The following PRRC2C variants were observed in gnomAD, a reference collection of about 807,000 sequenced individuals.
The protein encoded by PRRC2C is protein PRRC2C.
PRRC2C carries 72 observed loss-of-function variants against 317.2 expected under a neutral mutation model. That is an observed-to-expected ratio of 0.23 (90% CI 0.19 to 0.28). The LOEUF (loss-of-function observed/expected upper bound fraction) is 0.28. Among genes scored for constraint, PRRC2C ranks in the 10% least tolerant of loss-of-function variants. The pLI, the probability that PRRC2C is intolerant of heterozygous loss-of-function variation, is 1.00. For synonymous variants in PRRC2C, 1,296 were observed against 1,205.9 expected, an observed-to-expected ratio of 1.07 and a Z score of -1.55; for missense variants, 3,074 against 3,459.7, an observed-to-expected ratio of 0.89 and a Z score of 2.80.
At chr1:171,560,605 G>T (rs143279952) in intron 19 of PRRC2C, among the ~76,000 whole-genome samples, 109 of 152,238 alleles carry the variant, frequency 7.2e-4, no homozygotes, top group African/African-American at 2.6e-3. Context: ...GATTCCACCA[G>T]CAAAAAAAGT....
intron 17 of PRRC2C, among the ~76,000 whole-genome samples, chr1:171,548,314 TCA>T (rs1213086567): frequency 6.6e-6 from 1 of 152,186 alleles, no homozygotes; most frequent in Non-Finnish European, 1.5e-5. Context: ...ATTTCATCTC[TCA>T]GAGTATGTTA....
chr1:171,520,026 C>T (rs1439176987), intron 6 of PRRC2C, among the ~76,000 whole-genome samples: 1 of 152,026 alleles, frequency 6.6e-6, no homozygotes, highest in African/African-American at 2.4e-5. Context: ...GCAGTGGCAC[C>T]ATCTCGGCTC....
chr1:171,592,018 C>T lies in PRRC2C; in HGVS notation c.*171C>T. ...TTTACACTGACACACAGCTGCTGTA[C>T]CAGTGAAAACGAGGCTTTGCAAGCT... On this transcript the variant is annotated 3_prime_UTR_variant, in exon 35 of 35. Transcript: ENST00000647382. 9 of 815,228 alleles carry T rather than the reference C, an allele frequency of 1.1e-5. No homozygotes were observed. In the South Asian group the frequency reaches 1.8e-4, roughly 16 times the overall value. 50.5% of individuals were successfully genotyped at this position (815,228 alleles called of 1,614,324 possible). A position where few individuals can be genotyped will look rare whatever the true frequency, so the allele number is the denominator to read the frequency against.
intron 19 of PRRC2C, among the ~76,000 whole-genome samples, chr1:171,560,413 T>A (rs1315532848): frequency 9.3e-6 from 1 of 107,070 alleles, no homozygotes; most frequent in Non-Finnish European, 2.1e-5. Flanking sequence ...GACTCCAGTT[T>A]TGAAAGAAGT....
chr1:171,571,899 C>G (rs536357573), intron 24 of PRRC2C, among the ~76,000 whole-genome samples: 8 of 152,022 alleles, frequency 5.3e-5, no homozygotes, highest in Admixed American at 6.5e-5. Flanking sequence ...GACAAGTATG[C>G]TTTATAGATG....
In PRRC2C at chr1:171,541,792, AAG is replaced by A; in HGVS notation, c.4333_4334del (p.Arg1445GlyfsTer8). 1 of 1,613,982 alleles carries A rather than the reference AAG, an allele frequency of 6.2e-7. No individual in the cohort carries two copies. Among genetic ancestry groups the A allele is most frequent in the Non-Finnish European group, 8.5e-7 (1 of 1,179,874 alleles). On this transcript the variant is annotated frameshift_variant, in exon 16 of 35. Coordinates refer to ENST00000647382, the MANE Select transcript of PRRC2C (RefSeq NM_001387844.1). LOFTEE classifies it high-confidence loss of function. The surrounding 1 kb of genome is among the most constrained non-coding windows in gnomAD (Gnocchi z 4.1). ...QDKPPRFRRL[R>X]EREAASKSNE... ...ACAAGCCACCTCGATTTAGACGGCT[AAG>A]AGAGAGGGAGGCTGCTTCAAAATCA...
chr1:171,542,240 T>C lies in PRRC2C; in HGVS notation c.4763+11T>C, dbSNP rs367595840. On this transcript the variant is annotated intron_variant, in intron 16 of 34. Coordinates refer to ENST00000647382, the MANE Select transcript of PRRC2C (RefSeq NM_001387844.1). ...AAGTGGGAAGAGAGGGTGAGTACTT[T>C]GTTTTAAATATAGTTGCTTTTGCAC... The C allele has an allele frequency of 2.1e-5, 32 of 1,497,156 alleles. No individual in the cohort carries two copies. In the East Asian group the frequency reaches 7.2e-4, roughly 34 times the overall value. 92.7% of individuals were successfully genotyped at this position (1,497,156 alleles called of 1,614,324 possible).
chr1:171,533,687 A>C (rs911089435), intron 12 of PRRC2C, among the ~76,000 whole-genome samples: 3 of 152,028 alleles, frequency 2.0e-5, no homozygotes, highest in African/African-American at 7.2e-5. Context: ...GCAGTGGCGG[A>C]ATCTCAGCTC....
At chr1:171,506,687 T>TTGTG (rs34060083) in intron 1 of PRRC2C, among the ~76,000 whole-genome samples, 25,590 of 136,402 alleles carry the variant, frequency 0.19, 2,428 homozygotes, top group African/African-American at 0.22. Context: ...TTTTTTTTCT[T>TTGTG]TGTGTGTGTG....
intron 1 of PRRC2C, among the ~76,000 whole-genome samples, chr1:171,506,546 C>T (rs1376363520): frequency 6.7e-6 from 1 of 149,782 alleles, no homozygotes; most frequent in East Asian, 2.0e-4. Context: ...CTATGTGTAA[C>T]ACCAATTACA....
At chr1:171,507,884 A>G (rs536654812) in intron 1 of PRRC2C, among the ~76,000 whole-genome samples, 67 of 152,192 alleles carry the variant, frequency 4.4e-4, no homozygotes, top group Admixed American at 1.7e-3. Flanking sequence ...GATTACTCCT[A>G]AGAACTTTAT....
At chr1:171,518,661 C>CTT (rs386368727) in intron 6 of PRRC2C, among the ~76,000 whole-genome samples, 30,137 of 58,102 alleles carry the variant, frequency 0.52, 8,602 homozygotes, top group East Asian at 0.57. Context: ...CCACACCTGG[C>CTT]TTTTTTTTTT....
intron 1 of PRRC2C, among the ~76,000 whole-genome samples, chr1:171,508,256 G>C (rs545749261): frequency 6.6e-6 from 1 of 152,204 alleles, no homozygotes; most frequent in African/African-American, 2.4e-5. Context: ...TTTTCCCATT[G>C]ATTTTGATGT....
At position 171,536,219 on chromosome 1, in the gene PRRC2C, A is replaced by G; in HGVS notation, c.2234A>G (p.Tyr745Cys). The change falls in exon 14 of 35, where the codon TAC becomes TGC. Residue 745 changes from tyrosine to cysteine, a missense_variant. Around this residue, in one of 11 missense-constraint regions of PRRC2C, gnomAD observed 1,320 missense variants for 1,395.7 expected, o/e 0.95. Transcript: ENST00000647382. ...CCAAGGTGGCTCATGATGCAGTCCT[A>G]CATGGATCCTCGAATGATGTCAGGA... ...FDPRWLMMQS[Y>C]MDPRMMSGRP... 2 of 1,613,732 alleles carry G rather than the reference A, an allele frequency of 1.2e-6. No homozygotes were observed. The highest frequency in any genetic ancestry group is 1.7e-6 in the Non-Finnish European group (2 of 1,179,714).
intron 23 of PRRC2C, 36 bp downstream of exon 23, chr1:171,568,375 T>C (rs1369857449): frequency 1.3e-6 from 2 of 1,566,778 alleles, no homozygotes; most frequent in Non-Finnish European, 8.7e-7. Context: ...AAGTTTGGAT[T>C]GGAACCTGGC....
In PRRC2C at chr1:171,540,870, A is replaced by G. The variant is rs1677825273; in HGVS notation, c.3404A>G (p.Lys1135Arg). Residue 1135 changes from lysine to arginine, a missense_variant, in exon 16 of 35, where the codon AAA (lysine) becomes AGA (arginine). Physicochemically the swap from Lys to Arg is conservative, Grantham distance 26. Transcript: ENST00000647382. ...CAGACTATGGCAGCACCAGTAGTCA[A>G]AGAAGAAAAACAACCTGAGAAAGTC... ...NQQTMAAPVV[K>R]EEKQPEKVIS... 8 of 1,613,698 alleles carry G rather than the reference A, an allele frequency of 5.0e-6. No individual in the cohort carries two copies. The highest frequency in any genetic ancestry group is 5.9e-6 in the Non-Finnish European group (7 of 1,179,784).
At chr1:171,535,305 T>G in intron 12 of PRRC2C, 123 bp from the exon 13 acceptor site, 1 of 785,812 alleles carries the variant, frequency 1.3e-6, no homozygotes, top group East Asian at 2.9e-5. Flanking sequence ...AAAATAATGT[T>G]TTAGAGTGTC....
At chr1:171,542,817 G>A (rs1678204427) in intron 16 of PRRC2C, among the ~76,000 whole-genome samples, 1 of 151,988 alleles carries the variant, frequency 6.6e-6, no homozygotes, top group Non-Finnish European at 1.5e-5. Context: ...CTGGAGTGCA[G>A]TGGCGTGATC....
At chr1:171,586,201 T>A (rs1480651034) in intron 30 of PRRC2C, among the ~76,000 whole-genome samples, 1 of 150,810 alleles carries the variant, frequency 6.6e-6, no homozygotes, top group East Asian at 2.0e-4. Context: ...TAGCTGAGAT[T>A]ACAGGCACCC....
Sources: gnomAD v4.1 joint callset for allele counts (sites outside exome capture counted in the v4.1 genomes callset) on GRCh38, gnomAD v4.1.1 for gene constraint, gnomAD v4.1.1 regional missense constraint, Gnocchi (gnomAD v3.1) non-coding constraint, MANE v1.5 for transcripts, NCBI Gene and HGNC (gene_info 2026-07-23, HGNC 2026-07-21) for gene names.